SLC52A1: variants seen among roughly 807,000 people sequenced by gnomAD.
SLC52A1 encodes the protein solute carrier family 52 member 1, also known as solute carrier family 52, riboflavin transporter, member 1.
A neutral mutation model predicts 23.2 loss-of-function variants in SLC52A1; 20 were observed. The observed-to-expected ratio is 0.86, with a 90% CI of 0.61 to 1.25. The LOEUF (loss-of-function observed/expected upper bound fraction) is 1.25, where lower values mean the gene tolerates loss of function less well. Ranked by LOEUF, SLC52A1 falls within the 50% of genes most tolerant of loss-of-function variation. The pLI is 0.00. For missense variants in SLC52A1, 528 were observed against 557.0 expected, an observed-to-expected ratio of 0.95 and a Z score of 0.52; for synonymous variants, 260 against 256.6, an observed-to-expected ratio of 1.01 and a Z score of -0.13.
rs1221738557 is a variant in SLC52A1, at chr17:5,033,322, GC to G, written c.1072del (p.Ala358HisfsTer5). ...LGMLFGAYLM[A>X]LAILSPCPPL... ...TGGGCAGGGGCTCAGGATTGCCAGTGCCATCAGGTAGGCCCCAAAGAGCATG... is the reference window on the plus strand; with the variant it reads ...TGGGCAGGGGCTCAGGATTGCCAGTGCATCAGGTAGGCCCCAAAGAGCATG... On this transcript the variant is annotated frameshift_variant, in exon 4 of 5. Transcript: ENST00000254853. LOFTEE classifies it high-confidence loss of function. 1 of 1,614,090 alleles carries G rather than the reference GC, an allele frequency of 6.2e-7. No homozygotes were observed.
rs971650944 is a variant in SLC52A1 at position 5,034,729 on chromosome 17, C to T, written c.-107-16G>A. On this transcript the variant is annotated splice_polypyrimidine_tract_variant and intron_variant, in intron 1 of 4. Coordinates refer to ENST00000254853, the MANE Select transcript of SLC52A1 (RefSeq NM_017986.4). ...GACCTTCTAGCTGGAGGGAAACAGA[C>T]AGGCTGGCAGGTAATAGGCTGGTGG... 2.2e-6 allele frequency: 3 copies of T among 1,341,648 alleles called. No homozygotes were observed. Among genetic ancestry groups the T allele is most frequent in the Admixed American group, 4.9e-5 (2 of 40,544 alleles). The allele number at this position is 1,341,648 out of a possible 1,614,324, so 83.1% of individuals were successfully genotyped here. A position where few individuals can be genotyped will look rare whatever the true frequency, so the allele number is the denominator to read the frequency against.
rs1975341391 is a variant in SLC52A1 at position 5,032,773 on chromosome 17, G to A, written c.*184C>T. 7 of 606,782 alleles carry A rather than the reference G, an allele frequency of 1.2e-5. No individual in the cohort carries two copies. The East Asian group carries it at 1.7e-4, about 14-fold the overall frequency. 37.6% of individuals were successfully genotyped at this position (606,782 alleles called of 1,614,324 possible). ...AGCCCACAGCCCCAACCTGTCCCCT[G>A]GCTCTGGGCCTGGTCTTTGGTGCCC... On this transcript the variant is annotated 3_prime_UTR_variant, in exon 5 of 5. Coordinates refer to ENST00000254853, the MANE Select transcript of SLC52A1 (RefSeq NM_017986.4).
In SLC52A1 at chr17:5,034,880, G is replaced by A. The variant is rs115139482; in HGVS notation, c.-127C>T. ...ACTTACCACGGGGCACCGGCTGTGC[G>A]TTTGGGTACAGCGACCCAGCAGTGC... is the stretch of plus-strand genomic sequence containing the variant. On this transcript the variant is annotated 5_prime_UTR_variant, in exon 1 of 5. It adds an upstream start codon to the 5' untranslated region. Coordinates refer to ENST00000254853, the MANE Select transcript of SLC52A1 (RefSeq NM_017986.4). The A allele has an allele frequency of 0.013, 4,782 of 366,170 alleles. 182 individuals are homozygous for A. Among genetic ancestry groups the A allele is most frequent in the African/African-American group, 0.08 (3,929 of 48,870 alleles). The allele number at this position is 366,170 out of a possible 1,614,324, so 22.7% of individuals were successfully genotyped here. A position where few individuals can be genotyped will look rare whatever the true frequency, so the allele number is the denominator to read the frequency against.
chr17:5,033,092 AC>A lies in SLC52A1; in HGVS notation c.1211del (p.Gly404ValfsTer40). ...CACCAGCTGCCAGCAATGCCGGCCG[AC>A]CCCCACCATGCAGCAGGGAGCTTGC... Reference protein sequence around the residue: ...VAASSLLHGGGRPALLAAGVA... With the variant: ...VAASSLLHGGXRPALLAAGVA... On this transcript the variant is annotated frameshift_variant, in exon 5 of 5. Coordinates refer to ENST00000254853, the MANE Select transcript of SLC52A1 (RefSeq NM_017986.4). LOFTEE classifies it low-confidence loss of function (END_TRUNC). The A allele has an allele frequency of 6.2e-7, 1 of 1,613,540 alleles. No individual in the cohort carries two copies. Among genetic ancestry groups the A allele is most frequent in the South Asian group, 1.1e-5 (1 of 91,076 alleles).
chr17:5,037,914 CTTTT>C (rs10673155), upstream of SLC52A1, among the ~76,000 whole-genome samples: 3 of 40,012 alleles, frequency 7.5e-5, no homozygotes, highest in African/African-American at 3.3e-4. Flanking sequence ...TTCTTCCTTC[CTTTT>C]TTTTTTTTTT....
At chr17:5,037,350 C>T (rs904038999), upstream of SLC52A1, among the ~76,000 whole-genome samples, 1 of 152,032 alleles carries the variant, frequency 6.6e-6, no homozygotes, top group Non-Finnish European at 1.5e-5. Flanking sequence ...TGAACCCCGT[C>T]TCTACTAAAA....
At chr17:5,039,735 C>G (rs954019798), upstream of SLC52A1, among the ~76,000 whole-genome samples, 54 of 152,228 alleles carry the variant, frequency 3.5e-4, no homozygotes, top group Non-Finnish European at 2.5e-4. Context: ...GCCTCCCAAA[C>G]TGTTGGGATT....
chr17:5,037,913 CCT>C, upstream of SLC52A1, among the ~76,000 whole-genome samples: 1 of 43,452 alleles, frequency 2.3e-5, no homozygotes, highest in African/African-American at 1.4e-4. Context: ...TTTCTTCCTT[CCT>C]TTTTTTTTTT....
chr17:5,034,208 A>G lies in SLC52A1; in HGVS notation c.281T>C (p.Leu94Pro). The G allele has an allele frequency of 6.2e-7, 1 of 1,614,098 alleles. No individual in the cohort carries two copies. Among genetic ancestry groups the G allele is most frequent in the East Asian group, 2.2e-5 (1 of 44,882 alleles). ...VQVLSVVGTA[L>P]LAPLWHHVAP... ...CACGTGGTGCCACAGAGGGGCCAGCAGGGCTGTGCCCACTACACTCAGCAC... is the reference window on the plus strand; with the variant it reads ...CACGTGGTGCCACAGAGGGGCCAGCGGGGCTGTGCCCACTACACTCAGCAC... The change falls in exon 3 of 5, where the codon CTG (leucine) becomes CCG (proline). Residue 94 changes from leucine (L) to proline (P), a missense_variant. Transcript: ENST00000254853.
At chr17:5,039,947 C>T (rs1020216196), upstream of SLC52A1, among the ~76,000 whole-genome samples, 2 of 152,134 alleles carry the variant, frequency 1.3e-5, no homozygotes, top group African/African-American at 2.4e-5. Context: ...AGAGAGGCCG[C>T]GACAGGAGAG....
chr17:5,033,917 A>G lies in SLC52A1; in HGVS notation c.572T>C (p.Phe191Ser). Residue 191 changes from phenylalanine to serine, a missense_variant, in exon 3 of 5, where the codon TTT becomes TCT. Phe to Ser is a radical substitution (Grantham distance 155). Coordinates refer to ENST00000254853, the MANE Select transcript of SLC52A1 (RefSeq NM_017986.4). ...TGCCCAGAAGAAGGTGCTGGCAGGAAAACGCTCAGGGAAGTCGAGGGGAGG... is the reference window on the plus strand; with the variant it reads ...TGCCCAGAAGAAGGTGCTGGCAGGAGAACGCTCAGGGAAGTCGAGGGGAGG... ...SGPPLDFPER[F>S]PASTFFWALT... 6.2e-7 allele frequency: 1 copy of G among 1,614,210 alleles called. No homozygotes were observed. Among genetic ancestry groups the G allele is most frequent in the Non-Finnish European group, 8.5e-7 (1 of 1,180,036 alleles).
At chr17:5,036,579 T>C (rs1260304816), upstream of SLC52A1, among the ~76,000 whole-genome samples, 1 of 151,320 alleles carries the variant, frequency 6.6e-6, no homozygotes, top group East Asian at 2.0e-4. Flanking sequence ...GCCTGGATAA[T>C]TTTTGTATTT....
In SLC52A1 at chr17:5,034,347, G is replaced by A; in HGVS notation, c.142C>T (p.Pro48Ser). Residue 48 changes from proline to serine, a missense_variant, in exon 3 of 5, where the codon CCC (proline) becomes TCC (serine). Transcript: ENST00000254853. Reference protein sequence around the residue: ...VKDLPEGWSLPSYLSVVVALG... With the variant: ...VKDLPEGWSLSSYLSVVVALG... ...GCCACAACCACAGAGAGGTATGAGG[G>A]GAGGCTCCAACCTGCAGGGAAGGAA... is the stretch of plus-strand genomic sequence containing the variant. 2 of 1,582,020 alleles carry A rather than the reference G, an allele frequency of 1.3e-6. No homozygotes were observed. The highest frequency in any genetic ancestry group is 1.7e-6 in the Non-Finnish European group (2 of 1,163,628).
chr17:5,033,077 C>T lies in SLC52A1; in HGVS notation c.1227G>A (p.Leu409=). The change falls in exon 5 of 5, where the codon CTG becomes CTA. Residue 409 remains leucine (L), a synonymous_variant. Transcript: ENST00000254853. The stretch of plus-strand genomic sequence containing the variant: ...CCACTTGGATGGCCACACCAGCTGC[C>T]AGCAATGCCGGCCGACCCCCACCAT... ...LLHGGGRPAL[L]AAGVAIQVGS... 2 of 1,613,682 alleles carry T rather than the reference C, an allele frequency of 1.2e-6. No individual in the cohort carries two copies. Among genetic ancestry groups the T allele is most frequent in the Non-Finnish European group, 1.7e-6 (2 of 1,180,002 alleles).
intron 1 of SLC52A1, among the ~76,000 whole-genome samples, chr17:5,040,754 T>G (rs570477690): frequency 1.3e-5 from 2 of 152,032 alleles, no homozygotes; most frequent in Admixed American, 1.3e-4. Context: ...ACTTGGCAGT[T>G]CAGTTCACCA....
chr17:5,040,825 T>G (rs1003167866), intron 1 of SLC52A1, among the ~76,000 whole-genome samples: 2 of 151,458 alleles, frequency 1.3e-5, no homozygotes, highest in African/African-American at 4.9e-5. Context: ...AGATGGAGTC[T>G]CACTCTGTAA....
At chr17:5,037,277 T>C (rs1351224016), upstream of SLC52A1, among the ~76,000 whole-genome samples, 1 of 152,176 alleles carries the variant, frequency 6.6e-6, no homozygotes, top group African/African-American at 2.4e-5. Context: ...CCCAACACTT[T>C]GGGAGGCCGA....
chr17:5,033,547 G>C lies in SLC52A1; in HGVS notation c.942C>G (p.His314Gln). ...CGGCACTGCCCAGCACCACAGCCAG[G>C]TGGTAGGCCAGGCGCCCATAGGGCA... is the stretch of plus-strand genomic sequence containing the variant. ...SCLPYGRLAYHLAVVLGSAAN... is the reference protein window; with the variant it reads ...SCLPYGRLAYQLAVVLGSAAN... The change falls in exon 3 of 5, where the codon CAC becomes CAG. Residue 314 changes from histidine to glutamine, a missense_variant. His to Gln is a conservative substitution (Grantham distance 24, BLOSUM62 0). Coordinates refer to ENST00000254853, the MANE Select transcript of SLC52A1 (RefSeq NM_017986.4). 2 of 1,613,950 alleles carry C rather than the reference G, an allele frequency of 1.2e-6. No homozygotes were observed. Among genetic ancestry groups the C allele is most frequent in the Non-Finnish European group, 1.7e-6 (2 of 1,180,024 alleles).
upstream of SLC52A1, among the ~76,000 whole-genome samples, chr17:5,036,783 G>C (rs1975470608): frequency 6.6e-6 from 1 of 151,912 alleles, no homozygotes; most frequent in Non-Finnish European, 1.5e-5. Context: ...ACCCATTTTT[G>C]TATGGCCTGC....
Sources: allele counts gnomAD v4.1 joint callset (sites outside exome capture counted in the v4.1 genomes callset), GRCh38; gene constraint gnomAD v4.1.1; transcripts MANE v1.5; gene names NCBI Gene and HGNC (gene_info 2026-07-23, HGNC 2026-07-21).